Variants in AGTPBP1 observed in about 807,000 individuals in gnomAD.
The protein encoded by AGTPBP1 is cytosolic carboxypeptidase 1.
Under a neutral mutation model 143.9 loss-of-function variants are expected in AGTPBP1, and 70 were observed. The observed-to-expected ratio is 0.49, with a 90% CI of 0.40 to 0.59. The LOEUF is 0.59. AGTPBP1 is among the 20% of genes least tolerant of loss of function. The pLI, the probability that AGTPBP1 is intolerant of heterozygous loss-of-function variation, is 0.00. For missense variants in AGTPBP1, 1,229 were observed against 1,464.5 expected, an observed-to-expected ratio of 0.84 and a Z score of 2.62; for synonymous variants, 463 against 500.2, an observed-to-expected ratio of 0.93 and a Z score of 0.99.
the AGTPBP1 span, among the ~76,000 whole-genome samples, chr9:85,795,880 T>TTTTTTTA: frequency 7.0e-6 from 1 of 143,380 alleles, no homozygotes; most frequent in African/African-American, 2.7e-5. Context: ...TTTTTTTTTT[T>TTTTTTTA]GAGACGGAGG....
intron 9 of AGTPBP1, among the ~76,000 whole-genome samples, chr9:85,658,548 G>A (rs1833670930): frequency 6.6e-6 from 1 of 152,028 alleles, no homozygotes; most frequent in African/African-American, 2.4e-5. Flanking sequence ...ATACCCATCT[G>A]AGGTTGTTTA....
At chr9:85,578,247 A>G (rs1828018223) in intron 24 of AGTPBP1, among the ~76,000 whole-genome samples, 1 of 152,204 alleles carries the variant, frequency 6.6e-6, no homozygotes, top group African/African-American at 2.4e-5. Flanking sequence ...ATCTCCAGTA[A>G]AAGCCTACAG....
chr9:85,582,044 T>C (rs1587676454), intron 23 of AGTPBP1, among the ~76,000 whole-genome samples: 1 of 152,224 alleles, frequency 6.6e-6, no homozygotes, highest in African/African-American at 2.4e-5. Flanking sequence ...ATAATAAAGA[T>C]TTGTTTTGTA....
the AGTPBP1 span, among the ~76,000 whole-genome samples, chr9:85,757,980 A>G: frequency 3.3e-5 from 5 of 152,190 alleles, no homozygotes; most frequent in East Asian, 5.8e-4. Context: ...ACTTGGATCT[A>G]AGAATGCTGG....
chr9:85,734,548 C>A (rs181725893), intron 1 of AGTPBP1, among the ~76,000 whole-genome samples: 5 of 152,228 alleles, frequency 3.3e-5, no homozygotes, highest in Admixed American at 3.3e-4. Context: ...ATCAAAACTA[C>A]AAGATATCAC....
At chr9:85,628,882 A>AT (rs1831476204) in intron 14 of AGTPBP1, among the ~76,000 whole-genome samples, 1 of 151,918 alleles carries the variant, frequency 6.6e-6, no homozygotes, top group African/African-American at 2.4e-5. Context: ...CACCCAGCTA[A>AT]TTTTTTGTAT....
intron 25 of AGTPBP1, among the ~76,000 whole-genome samples, chr9:85,566,523 A>C (rs2132923959): frequency 9.7e-6 from 1 of 103,336 alleles, no homozygotes. Context: ...GATCAAGACC[A>C]TGTCTCAAAA....
chr9:85,797,549 C>A, the AGTPBP1 span, among the ~76,000 whole-genome samples: 88 of 152,224 alleles, frequency 5.8e-4, no homozygotes, highest in African/African-American at 1.8e-3. Context: ...CCTTCTAGAG[C>A]CTTCCATCCT....
rs770192976 is a variant in AGTPBP1 at position 85,588,348 on chromosome 9, A to G, written c.2853T>C (p.Tyr951=). ...TTAACATAGGGACAATTTTAAAAAT[A>G]TAAGATTCTCGTAAGCTCTGAGCAG... ...NPTAQSLRES[Y]IFKIVPMLNP... Residue 951 remains tyrosine (Y), a synonymous_variant, in exon 21 of 26, where the codon TAT becomes TAC. Coordinates refer to ENST00000357081, the MANE Select transcript of AGTPBP1 (RefSeq NM_001330701.2). 7 of 1,610,674 alleles carry G rather than the reference A, an allele frequency of 4.3e-6. No homozygotes were observed. In the South Asian group the frequency reaches 5.5e-5, roughly 13 times the overall value.
At chr9:85,721,227 C>A (rs1004493514) in intron 1 of AGTPBP1, among the ~76,000 whole-genome samples, 2 of 152,080 alleles carry the variant, frequency 1.3e-5, no homozygotes, top group African/African-American at 4.8e-5. Context: ...TCCTTGTTAA[C>A]CTTCTGTCTC....
At chr9:85,682,507 T>C (rs1387811259) in intron 3 of AGTPBP1, among the ~76,000 whole-genome samples, 1 of 152,228 alleles carries the variant, frequency 6.6e-6, no homozygotes, top group Non-Finnish European at 1.5e-5. Context: ...TCTTCCAGCA[T>C]TTAATGCACT....
At chr9:85,682,904 C>T (rs1194312135) in intron 3 of AGTPBP1, among the ~76,000 whole-genome samples, 2 of 152,122 alleles carry the variant, frequency 1.3e-5, no homozygotes, top group Non-Finnish European at 2.9e-5. Context: ...AAATGTACTA[C>T]AGAAGGGACA....
chr9:85,655,121 A>G, intron 11 of AGTPBP1, 22 bp downstream of exon 11: 1 of 1,547,904 alleles, frequency 6.5e-7, no homozygotes, highest in South Asian at 1.2e-5. Context: ...CACAAAAAGC[A>G]GCAGTGACCC....
At chr9:85,753,620 C>G in the AGTPBP1 span, among the ~76,000 whole-genome samples, 1 of 151,912 alleles carries the variant, frequency 6.6e-6, no homozygotes, top group Non-Finnish European at 1.5e-5. Flanking sequence ...GTCTTGGTGG[C>G]GGGTGCTTGT....
chr9:85,640,519 G>A (rs1262395731), intron 13 of AGTPBP1, among the ~76,000 whole-genome samples: 1 of 152,186 alleles, frequency 6.6e-6, no homozygotes, highest in African/African-American at 2.4e-5. Context: ...GAGTAACTTA[G>A]TGAGAAGCTC....
At chr9:85,751,049 TG>T in the AGTPBP1 span, among the ~76,000 whole-genome samples, 2 of 152,236 alleles carry the variant, frequency 1.3e-5, no homozygotes, top group African/African-American at 4.8e-5. Flanking sequence ...CAATTGTATA[TG>T]GGTGTGGGGC....
At chr9:85,761,857 A>G in the AGTPBP1 span, among the ~76,000 whole-genome samples, 2 of 152,162 alleles carry the variant, frequency 1.3e-5, no homozygotes, top group Admixed American at 6.5e-5. Context: ...ATGGGAGAAA[A>G]TTTTTGCAAT....
At chr9:85,613,580 G>A (rs1490082629) in intron 17 of AGTPBP1, among the ~76,000 whole-genome samples, 1 of 151,860 alleles carries the variant, frequency 6.6e-6, no homozygotes, top group Non-Finnish European at 1.5e-5. Context: ...AACTAGTCTA[G>A]ACTGAGTTAT....
At chr9:85,761,867 T>C in the AGTPBP1 span, among the ~76,000 whole-genome samples, 6 of 152,104 alleles carry the variant, frequency 3.9e-5, no homozygotes, top group Non-Finnish European at 8.8e-5. Context: ...ATTTTTGCAA[T>C]CTACTCATCT....
Sources: gnomAD v4.1 joint callset for allele counts (sites outside exome capture counted in the v4.1 genomes callset) on GRCh38, gnomAD v4.1.1 for gene constraint, MANE v1.5 for transcripts, NCBI Gene and HGNC (gene_info 2026-07-23, HGNC 2026-07-21) for gene names.